Variants in GNG2 observed in about 807,000 individuals in gnomAD.
GNG2 encodes the protein G protein subunit gamma 2.
A neutral mutation model predicts 5.5 loss-of-function variants in GNG2; 5 were observed. The observed-to-expected ratio is 0.91, with a 90% CI of 0.48 to 1.92. The LOEUF (loss-of-function observed/expected upper bound fraction) is 1.92, where lower values mean the gene tolerates loss of function less well. Among genes scored for constraint, GNG2 ranks in the 30% most tolerant of loss-of-function variants. The pLI is 0.01. For synonymous variants in GNG2, 28 were observed against 32.0 expected (o/e 0.88, Z 0.42); for missense variants, 55 against 88.4 (o/e 0.62, Z 1.52).
At chr14:51,956,111 C>T (rs1889261252) in intron 3 of GNG2, among the ~76,000 whole-genome samples, 1 of 152,154 alleles carries the variant, frequency 6.6e-6, no homozygotes, top group Admixed American at 6.5e-5. Context: ...GAATACAATC[C>T]TCCTTCTAGG....
intron 2 of GNG2, among the ~76,000 whole-genome samples, chr14:51,943,672 GA>G (rs1217375139): frequency 2.0e-5 from 3 of 152,102 alleles, no homozygotes. Flanking sequence ...TGAATAATCT[GA>G]AAAGGAAATT....
intron 3 of GNG2, among the ~76,000 whole-genome samples, chr14:51,959,782 C>T (rs1465671725): frequency 2.0e-5 from 3 of 152,080 alleles, no homozygotes; most frequent in African/African-American, 7.2e-5. Context: ...CCCCAGACCC[C>T]TCCCTACCAT....
At chr14:51,966,209 CAAAAAAAAAAAA>C (rs34653524) in intron 3 of GNG2, among the ~76,000 whole-genome samples, 3 of 28,144 alleles carry the variant, frequency 1.1e-4, no homozygotes, top group Admixed American at 7.0e-4. Flanking sequence ...GACTGCATCT[CAAAAAAAAAAAA>C]AAAAAAAAAA....
chr14:51,873,672 A>AAG (rs1400802925), intron 1 of GNG2, among the ~76,000 whole-genome samples: 1 of 152,270 alleles, frequency 6.6e-6, no homozygotes. Flanking sequence ...TAAGTCTCTA[A>AAG]GGTCAACCTT....
intron 2 of GNG2, among the ~76,000 whole-genome samples, chr14:51,942,690 G>C (rs956261433): frequency 6.8e-6 from 1 of 147,852 alleles, no homozygotes; most frequent in African/African-American, 2.5e-5. Flanking sequence ...CCCCCAAGTA[G>C]CTGGGATACA....
intron 2 of GNG2, among the ~76,000 whole-genome samples, chr14:51,923,180 G>A (rs1259716415): frequency 6.6e-6 from 1 of 152,148 alleles, no homozygotes; most frequent in Non-Finnish European, 1.5e-5. Context: ...CTGGCGAATT[G>A]CTGCCATGAT....
At chr14:51,956,918 G>C (rs1889305548) in intron 3 of GNG2, among the ~76,000 whole-genome samples, 1 of 152,122 alleles carries the variant, frequency 6.6e-6, no homozygotes, top group African/African-American at 2.4e-5. Flanking sequence ...GCATTGTCAA[G>C]CAGTCTTTCT....
intron 2 of GNG2, among the ~76,000 whole-genome samples, chr14:51,890,759 A>G (rs1288257600): frequency 1.3e-5 from 2 of 152,202 alleles, no homozygotes; most frequent in African/African-American, 4.8e-5. Flanking sequence ...CAATAAGCGG[A>G]TGGGCTTTGT....
chr14:51,889,770 G>C (rs1884723449), intron 2 of GNG2, among the ~76,000 whole-genome samples: 1 of 152,204 alleles, frequency 6.6e-6, no homozygotes, highest in Non-Finnish European at 1.5e-5. Context: ...TGTGTTCGCA[G>C]ATACAAGGTA....
At chr14:51,935,509 G>A (rs1342353375) in intron 2 of GNG2, among the ~76,000 whole-genome samples, 1 of 152,162 alleles carries the variant, frequency 6.6e-6, no homozygotes, top group African/African-American at 2.4e-5. Context: ...AAGCAACTTA[G>A]TGAGAAACCT....
intron 2 of GNG2, among the ~76,000 whole-genome samples, chr14:51,846,397 G>A (rs1440782709): frequency 2.0e-5 from 3 of 152,082 alleles, no homozygotes; most frequent in Non-Finnish European, 2.9e-5. Flanking sequence ...TTATCAGGCT[G>A]TTACAAATCA....
intron 2 of GNG2, among the ~76,000 whole-genome samples, chr14:51,899,289 T>C (rs902372386): frequency 1.3e-5 from 2 of 152,136 alleles, no homozygotes; most frequent in African/African-American, 4.8e-5. Context: ...ACTCTCTAAC[T>C]GATGCCACAG....
intron 2 of GNG2, among the ~76,000 whole-genome samples, chr14:51,895,317 C>T (rs1170594439): frequency 2.0e-5 from 3 of 152,118 alleles, no homozygotes; most frequent in Admixed American, 6.5e-5. Flanking sequence ...AGTGTTTTAA[C>T]TTAAAAATAA....
At chr14:51,953,882 G>A (rs1889125214) in intron 3 of GNG2, among the ~76,000 whole-genome samples, 1 of 152,166 alleles carries the variant, frequency 6.6e-6, no homozygotes, top group Non-Finnish European at 1.5e-5. Flanking sequence ...TGATTTTCCA[G>A]TGAGAGTAGT....
chr14:51,840,074 A>G (rs1881442896), intron 2 of GNG2, among the ~76,000 whole-genome samples: 1 of 152,208 alleles, frequency 6.6e-6, no homozygotes, highest in South Asian at 2.1e-4. Context: ...GAAGGACTCC[A>G]GAAGGTATAA....
intron 3 of GNG2, among the ~76,000 whole-genome samples, chr14:51,953,202 T>G (rs969431677): frequency 5.3e-5 from 8 of 152,206 alleles, no homozygotes; most frequent in African/African-American, 1.9e-4. Flanking sequence ...TAAGGTTGGA[T>G]TTTTGCTGTT....
At chr14:51,871,634 ATAT>A (rs1174821402) in intron 1 of GNG2, among the ~76,000 whole-genome samples, 2 of 152,268 alleles carry the variant, frequency 1.3e-5, no homozygotes, top group Non-Finnish European at 2.9e-5. Flanking sequence ...CAAAATAAAT[ATAT>A]TATTAGTATA....
intron 1 of GNG2, among the ~76,000 whole-genome samples, chr14:51,870,011 T>C (rs1432674585): frequency 6.6e-6 from 1 of 152,176 alleles, no homozygotes; most frequent in African/African-American, 2.4e-5. Flanking sequence ...CTGGTTCTAT[T>C]AGCAAGGAAG....
intron 2 of GNG2, among the ~76,000 whole-genome samples, chr14:51,855,038 GT>G (rs1377185429): frequency 1.3e-5 from 2 of 152,084 alleles, no homozygotes; most frequent in African/African-American, 4.8e-5. Context: ...CTCGTGAGGG[GT>G]TAGGAAAGCA....
Sources: gnomAD v4.1 joint callset for allele counts (sites outside exome capture counted in the v4.1 genomes callset) on GRCh38, gnomAD v4.1.1 for gene constraint, MANE v1.5 for transcripts, NCBI Gene and HGNC (gene_info 2026-07-23, HGNC 2026-07-21) for gene names.